SLC44A1: variants seen among roughly 807,000 people sequenced by gnomAD.
SLC44A1 encodes choline transporter-like protein 1.
A neutral mutation model predicts 79.3 loss-of-function variants in SLC44A1; 26 were observed. That is an observed-to-expected ratio of 0.33 (90% CI 0.24 to 0.46). SLC44A1 has a LOEUF of 0.46. Ranked by LOEUF, SLC44A1 falls within the 20% of genes least tolerant of loss-of-function variation. The pLI is 1.00. For synonymous variants in SLC44A1, 263 were observed against 286.2 expected, an observed-to-expected ratio of 0.92 and a Z score of 0.82; for missense variants, 688 against 798.1, an observed-to-expected ratio of 0.86 and a Z score of 1.66.
chr9:105,419,659 A>G (rs1829217921), intron 15 of SLC44A1, among the ~76,000 whole-genome samples: 1 of 152,186 alleles, frequency 6.6e-6, no homozygotes, highest in South Asian at 2.1e-4. Flanking sequence ...CCACGCCTGT[A>G]ATAATACCAC....
At chr9:105,437,357 A>T (rs1829476835) in intron 15 of SLC44A1, among the ~76,000 whole-genome samples, 2 of 152,100 alleles carry the variant, frequency 1.3e-5, no homozygotes, top group African/African-American at 4.8e-5. Context: ...ATCTAGATAT[A>T]GATGTCTATA....
At chr9:105,412,401 A>T (rs375366776) in intron 15 of SLC44A1, among the ~76,000 whole-genome samples, 1 of 152,040 alleles carries the variant, frequency 6.6e-6, no homozygotes, top group East Asian at 1.9e-4. Flanking sequence ...TTCCTTATTC[A>T]CTGACGCAAC....
At chr9:105,409,424 C>G (rs1314551084) in intron 15 of SLC44A1, among the ~76,000 whole-genome samples, 1 of 152,190 alleles carries the variant, frequency 6.6e-6, no homozygotes, top group African/African-American at 2.4e-5. Flanking sequence ...GTGGCTCACC[C>G]TTGTAATCCC....
At chr9:105,277,282 A>G (rs1830228640) in intron 1 of SLC44A1, among the ~76,000 whole-genome samples, 1 of 152,244 alleles carries the variant, frequency 6.6e-6, no homozygotes, top group South Asian at 2.1e-4. Flanking sequence ...GAGACAATGG[A>G]ACGTGAGTGT....
chr9:105,247,576 C>T (rs1292482573), intron 1 of SLC44A1, among the ~76,000 whole-genome samples: 1 of 152,228 alleles, frequency 6.6e-6, no homozygotes, highest in Non-Finnish European at 1.5e-5. Context: ...GTATTACAGA[C>T]ATGAGCCACC....
chr9:105,253,333 G>T lies in SLC44A1; in HGVS notation c.36+8429G>T, dbSNP rs556846253. Among the ~76,000 whole-genome samples, 4 of 152,268 alleles carry T rather than the reference G, an allele frequency of 2.6e-5. No homozygotes were observed. In the East Asian group the frequency reaches 7.7e-4, roughly 29 times the overall value. ...TCAAGATATTTAAGTAGCAGGGAAG[G>T]TATTAAAGTTTGTTTGTTTTTGTAG... On this transcript the variant is annotated intron_variant, in intron 1 of 15. Coordinates refer to ENST00000374720, the MANE Select transcript of SLC44A1 (RefSeq NM_080546.5).
At chr9:105,373,852 C>T (rs1588845435) in intron 12 of SLC44A1, among the ~76,000 whole-genome samples, 1 of 152,270 alleles carries the variant, frequency 6.6e-6, no homozygotes, top group East Asian at 1.9e-4. Context: ...CCAGAAGCCC[C>T]AGGGAACATC....
intron 1 of SLC44A1, among the ~76,000 whole-genome samples, chr9:105,292,945 T>G (rs1830637216): frequency 6.6e-6 from 1 of 152,100 alleles, no homozygotes; most frequent in South Asian, 2.1e-4. Context: ...AGCCAAGGCT[T>G]GATCCAGGAG....
At chr9:105,326,528 G>T (rs1035013365) in intron 3 of SLC44A1, among the ~76,000 whole-genome samples, 1 of 152,160 alleles carries the variant, frequency 6.6e-6, no homozygotes, top group Non-Finnish European at 1.5e-5. Context: ...GTCTTCCCCC[G>T]TGCTTTTCCA....
intron 2 of SLC44A1, among the ~76,000 whole-genome samples, chr9:105,300,236 A>G (rs929762351): frequency 2.0e-5 from 3 of 152,200 alleles, no homozygotes; most frequent in Non-Finnish European, 4.4e-5. Context: ...GTTCACTTCC[A>G]GATCAATGCT....
intron 4 of SLC44A1, among the ~76,000 whole-genome samples, chr9:105,338,584 T>G (rs1190705798): frequency 1.3e-5 from 2 of 152,130 alleles, no homozygotes; most frequent in African/African-American, 4.8e-5. Flanking sequence ...CCAGATAATT[T>G]TTTTACTTAT....
chr9:105,260,359 T>C (rs1380876959), intron 1 of SLC44A1, among the ~76,000 whole-genome samples: 1 of 152,188 alleles, frequency 6.6e-6, no homozygotes, highest in Non-Finnish European at 1.5e-5. Flanking sequence ...CTTGAACTGC[T>C]CTCCTACACA....
At chr9:105,363,524 G>T (rs969499796) in intron 9 of SLC44A1, among the ~76,000 whole-genome samples, 10 of 151,262 alleles carry the variant, frequency 6.6e-5, no homozygotes, top group Non-Finnish European at 1.3e-4. Context: ...GAGTGCAGTG[G>T]TGTGATCTCA....
chr9:105,353,105 A>G (rs1255444966), intron 5 of SLC44A1, among the ~76,000 whole-genome samples: 1 of 152,180 alleles, frequency 6.6e-6, no homozygotes, highest in African/African-American at 2.4e-5. Flanking sequence ...GATTTTGACT[A>G]TCAGCTAGAC....
intron 5 of SLC44A1, among the ~76,000 whole-genome samples, chr9:105,353,947 C>A (rs10081709): frequency 0.1 from 15,344 of 151,452 alleles, 1,991 homozygotes; most frequent in African/African-American, 0.31. Context: ...TCCAGACAAC[C>A]TCAGAAAAGA....
chr9:105,403,490 G>A (rs17305963), intron 15 of SLC44A1, among the ~76,000 whole-genome samples: 9,348 of 151,898 alleles, frequency 0.062, 366 homozygotes, highest in Non-Finnish European at 0.084. Flanking sequence ...GTTCTTGGGT[G>A]TAAATAAAAC....
At chr9:105,384,744 A>C (rs1828577509) in intron 14 of SLC44A1, among the ~76,000 whole-genome samples, 1 of 152,112 alleles carries the variant, frequency 6.6e-6, no homozygotes, top group Admixed American at 6.5e-5. Context: ...TCCACCCTTC[A>C]GTTTTCTCTG....
chr9:105,427,875 G>A (rs542653896), intron 15 of SLC44A1, among the ~76,000 whole-genome samples: 88 of 152,258 alleles, frequency 5.8e-4, no homozygotes, highest in Admixed American at 2.5e-3. Context: ...AACGGCAAAA[G>A]ATGACAGCCC....
rs1554689822 is a variant in SLC44A1 at position 105,394,412 on chromosome 9, G to GGGGTGTGTGTGTGTGTGT, written c.*5357_*5358insGGTGTGTGTGTGTGTGTG. ...GATTTTCTTTCCTTGGAGGTATGAG[G>GGGGTGTGTGTGTGTGTGT]GTGTGTATGTGTGTGTGTGTGTGTG... On this transcript the variant is annotated 3_prime_UTR_variant, in exon 16 of 16. Coordinates refer to ENST00000374720, the MANE Select transcript of SLC44A1 (RefSeq NM_080546.5). 1 of 713,674 alleles carries GGGGTGTGTGTGTGTGTGT rather than the reference G, an allele frequency of 1.4e-6. No individual in the cohort carries two copies. The allele number at this position is 713,674 out of a possible 1,614,324, so 44.2% of individuals were successfully genotyped here. A position where few individuals can be genotyped will look rare whatever the true frequency, so the allele number is the denominator to read the frequency against.
Sources: gnomAD v4.1 joint callset for allele counts (sites outside exome capture counted in the v4.1 genomes callset) on GRCh38, gnomAD v4.1.1 for gene constraint, MANE v1.5 for transcripts, NCBI Gene and HGNC (gene_info 2026-07-23, HGNC 2026-07-21) for gene names.